Variants in STK24 observed in about 807,000 individuals in gnomAD.
STK24 encodes the protein serine/threonine-protein kinase 24.
STK24 carries 21 observed loss-of-function variants against 55.6 expected under a neutral mutation model. The observed-to-expected ratio is 0.38, with a 90% CI of 0.27 to 0.54. STK24 has a LOEUF of 0.54. Ranked by LOEUF, STK24 falls within the 20% of genes least tolerant of loss-of-function variation. The pLI is 0.79. For synonymous variants in STK24, 200 were observed against 215.2 expected (o/e 0.93, Z 0.62); for missense variants, 383 against 538.4 (o/e 0.71, Z 2.86).
chr13:98,477,590 G>A (rs144207106), intron 3 of STK24, among the ~76,000 whole-genome samples: 178 of 151,476 alleles, frequency 1.2e-3, no homozygotes, highest in African/African-American at 4.2e-3. Context: ...CAGGAGAATC[G>A]CTTGAACCCA....
chr13:98,520,310 A>G (rs1195841882), intron 1 of STK24, among the ~76,000 whole-genome samples: 1 of 152,126 alleles, frequency 6.6e-6, no homozygotes, highest in Non-Finnish European at 1.5e-5. Context: ...CCCACAAATA[A>G]CTGCCCAGCT....
At chr13:98,554,414 T>C (rs1473380754) in intron 1 of STK24, among the ~76,000 whole-genome samples, 2 of 152,228 alleles carry the variant, frequency 1.3e-5, no homozygotes, top group Admixed American at 6.5e-5. Context: ...ACCTGCCAAG[T>C]TGTACTCATG....
At chr13:98,514,527 C>G (rs1895990158) in intron 2 of STK24, among the ~76,000 whole-genome samples, 3 of 152,188 alleles carry the variant, frequency 2.0e-5, no homozygotes, top group Admixed American at 6.5e-5. Flanking sequence ...TATTAGTCTT[C>G]TGGTGAATCT....
chr13:98,552,959 G>C (rs748632857), intron 1 of STK24, among the ~76,000 whole-genome samples: 9 of 152,130 alleles, frequency 5.9e-5, no homozygotes, highest in Non-Finnish European at 1.0e-4. Flanking sequence ...GTCAGCGATG[G>C]ATTCAGGTGA....
At chr13:98,476,792 C>T (rs1256442050) in intron 3 of STK24, among the ~76,000 whole-genome samples, 1 of 152,226 alleles carries the variant, frequency 6.6e-6, no homozygotes, top group African/African-American at 2.4e-5. Flanking sequence ...CTGGTCTACA[C>T]AGCAATCCCA....
At chr13:98,498,128 A>T (rs1895318002) in intron 2 of STK24, among the ~76,000 whole-genome samples, 1 of 152,192 alleles carries the variant, frequency 6.6e-6, no homozygotes, top group Non-Finnish European at 1.5e-5. Context: ...CTGAGCACTG[A>T]TGGTCTATTG....
chr13:98,521,660 G>C, intron 1 of STK24: 1 of 665,992 alleles, frequency 1.5e-6, no homozygotes, highest in East Asian at 2.7e-5. Context: ...CAAGCTGCTA[G>C]GATGAGCAGC....
At chr13:98,520,878 G>A (rs1896237507) in intron 1 of STK24, among the ~76,000 whole-genome samples, 1 of 152,230 alleles carries the variant, frequency 6.6e-6, no homozygotes, top group Admixed American at 6.5e-5. Flanking sequence ...CTGCACACAG[G>A]GGCGCAGAGC....
intron 2 of STK24, among the ~76,000 whole-genome samples, chr13:98,495,351 T>C (rs1447243230): frequency 6.6e-6 from 1 of 152,182 alleles, no homozygotes; most frequent in Non-Finnish European, 1.5e-5. Flanking sequence ...AATATAGAAG[T>C]TTTAGAAAAG....
chr13:98,503,332 A>C (rs903707453), intron 2 of STK24, among the ~76,000 whole-genome samples: 3 of 152,136 alleles, frequency 2.0e-5, no homozygotes, highest in African/African-American at 7.2e-5. Flanking sequence ...TAATTTCCCA[A>C]ATAGAAGATG....
intron 1 of STK24, among the ~76,000 whole-genome samples, chr13:98,567,290 C>T (rs1265186540): frequency 2.6e-5 from 4 of 152,184 alleles, no homozygotes; most frequent in East Asian, 3.9e-4. Context: ...GGCCCTCTGA[C>T]GGGCTATTCG....
Position 98,466,368 on chromosome 13 carries a change from A to G in STK24, c.783+8T>C. ...GAAGAGGTACGCTGTGATCCCTGGG[A>G]AACTTACAAAGCTCGGCTCCTTATT... On this transcript the variant is annotated splice_region_variant and intron_variant, in intron 6 of 10. Coordinates refer to ENST00000539966, the MANE Select transcript of STK24 (RefSeq NM_001032296.4). 3 of 1,611,710 alleles carry G rather than the reference A, an allele frequency of 1.9e-6. No individual in the cohort carries two copies.
At chr13:98,493,933 C>G (rs1005286396) in intron 2 of STK24, among the ~76,000 whole-genome samples, 6 of 150,124 alleles carry the variant, frequency 4.0e-5, no homozygotes, top group Non-Finnish European at 8.9e-5. Flanking sequence ...AGCTCCGCCT[C>G]CCGGGTTCAC....
At chr13:98,515,094 A>G (rs929062545) in intron 2 of STK24, among the ~76,000 whole-genome samples, 85 of 121,250 alleles carry the variant, frequency 7.0e-4, no homozygotes, top group Non-Finnish European at 1.4e-3. Flanking sequence ...CTCAAAACAA[A>G]CCCCCTGAAA....
intron 1 of STK24, among the ~76,000 whole-genome samples, chr13:98,523,346 T>G (rs1446788656): frequency 6.6e-6 from 1 of 152,222 alleles, no homozygotes; most frequent in Non-Finnish European, 1.5e-5. Context: ...ACCACATTGT[T>G]GAGGACCCTG....
At position 98,445,505 on chromosome 13, in the gene STK24, T is replaced by C. The variant is rs1184891594; in HGVS notation, c.*7668A>G. On this transcript the variant is annotated 3_prime_UTR_variant, in exon 11 of 11. Coordinates refer to ENST00000539966, the MANE Select transcript of STK24 (RefSeq NM_001032296.4). ...GGTGGGCAGGGCTGCAACTGCCTCC[T>C]GGGCCACTAGAGGGCATGTGGGAGC... The C allele has an allele frequency of 5.3e-5, 8 of 152,258 alleles. No individual in the cohort carries two copies. Among genetic ancestry groups the C allele is most frequent in the African/African-American group, 1.9e-4 (8 of 41,442 alleles). 9.4% of individuals were successfully genotyped at this position (152,258 alleles called of 1,614,324 possible). A position where few individuals can be genotyped will look rare whatever the true frequency, so the allele number is the denominator to read the frequency against.
At chr13:98,537,025 G>A (rs1236309432) in intron 1 of STK24, among the ~76,000 whole-genome samples, 6 of 152,216 alleles carry the variant, frequency 3.9e-5, no homozygotes, top group East Asian at 1.9e-4. Context: ...TGAAGCAGCC[G>A]CCTCCAAAGA....
intron 1 of STK24, among the ~76,000 whole-genome samples, chr13:98,546,895 A>G (rs530640421): frequency 1.6e-5 from 1 of 63,674 alleles, no homozygotes; most frequent in South Asian, 4.1e-4. Context: ...TCCATATCTA[A>G]TTGTTGTTTT....
At chr13:98,549,622 TTCCC>T (rs1897113128) in intron 1 of STK24, among the ~76,000 whole-genome samples, 9 of 152,138 alleles carry the variant, frequency 5.9e-5, no homozygotes, top group Admixed American at 5.9e-4. Flanking sequence ...TGACTGCCTG[TTCCC>T]ACTTCACCTT....
Sources: gnomAD v4.1 joint callset for allele counts (sites outside exome capture counted in the v4.1 genomes callset) on GRCh38, gnomAD v4.1.1 for gene constraint, MANE v1.5 for transcripts, NCBI Gene and HGNC (gene_info 2026-07-23, HGNC 2026-07-21) for gene names.